Variants in IFNAR1 observed in about 807,000 individuals in gnomAD.
IFNAR1 encodes interferon alpha and beta receptor subunit 1, also known as interferon alpha/beta receptor 1.
Under a neutral mutation model 62.1 loss-of-function variants are expected in IFNAR1, and 47 were observed. The observed-to-expected ratio is 0.76, with a 90% CI of 0.60 to 0.97. The LOEUF (loss-of-function observed/expected upper bound fraction) is 0.97, where lower values mean the gene tolerates loss of function less well. Ranked by LOEUF, IFNAR1 falls within the 50% of genes least tolerant of loss-of-function variation. IFNAR1 has a pLI of 0.00. For missense variants in IFNAR1, 638 were observed against 654.5 expected, an observed-to-expected ratio of 0.97 and a Z score of 0.27; for synonymous variants, 219 against 226.9, an observed-to-expected ratio of 0.97 and a Z score of 0.31.
At chr21:33,344,761 TTTAC>T (rs2083328551) in intron 5 of IFNAR1, among the ~76,000 whole-genome samples, 1 of 127,078 alleles carries the variant, frequency 7.9e-6, no homozygotes, top group African/African-American at 3.1e-5. Flanking sequence ...TTCTTTCTTT[TTTAC>T]TTATTTATTT....
At chr21:33,349,617 A>G (rs2083382292) in intron 8 of IFNAR1, 74 bp downstream of exon 8, 7 of 1,155,210 alleles carry the variant, frequency 6.1e-6, no homozygotes, top group Non-Finnish European at 8.5e-6. Context: ...GCTTGAATGT[A>G]AAATTTGGGG....
intron 1 of IFNAR1, among the ~76,000 whole-genome samples, chr21:33,328,455 C>A (rs998154699): frequency 6.6e-6 from 1 of 152,098 alleles, no homozygotes; most frequent in Non-Finnish European, 1.5e-5. Flanking sequence ...GAGAAGGGGT[C>A]CATTCTGATG....
chr21:33,327,017 TC>T (rs2083133176), intron 1 of IFNAR1, among the ~76,000 whole-genome samples: 1 of 152,206 alleles, frequency 6.6e-6, no homozygotes, highest in South Asian at 2.1e-4. Context: ...GCAAGTGAGT[TC>T]AAAATACTTT....
intron 1 of IFNAR1, among the ~76,000 whole-genome samples, chr21:33,325,841 T>A (rs1158860762): frequency 6.6e-6 from 1 of 152,214 alleles, no homozygotes; most frequent in African/African-American, 2.4e-5. Flanking sequence ...GTTATGCAGA[T>A]GCCTCTGGGT....
intron 6 of IFNAR1, among the ~76,000 whole-genome samples, chr21:33,346,772 T>G (rs1365173149): frequency 6.6e-6 from 1 of 152,074 alleles, no homozygotes; most frequent in East Asian, 1.9e-4. Flanking sequence ...TAAAGGTGAA[T>G]AGGGGCTAAA....
At chr21:33,324,923 T>TAGAGGGGCGGTGAGAGCTA (rs2083109061), upstream of IFNAR1, 1 of 665,378 alleles carries the variant, frequency 1.5e-6, no homozygotes, top group East Asian at 2.9e-5. Context: ...GGCGCGTGCG[T>TAGAGGGGCGGTGAGAGCTA]AGAGGGGCGG....
chr21:33,325,055 G>A lies in IFNAR1; in HGVS notation c.-1G>A, dbSNP rs568772307. On this transcript the variant is annotated 5_prime_UTR_variant, in exon 1 of 11. Coordinates refer to ENST00000270139, the MANE Select transcript of IFNAR1 (RefSeq NM_000629.3). The stretch of plus-strand genomic sequence containing the variant: ...CTGGTGGGATCTGCGGCGGCTCCCA[G>A]ATGATGGTCGTCCTCCTGGGCGCGA... 3 of 1,602,096 alleles carry A rather than the reference G, an allele frequency of 1.9e-6. No homozygotes were observed. Among genetic ancestry groups the A allele is most frequent in the African/African-American group, 2.7e-5 (2 of 74,904 alleles).
rs1395707506 is a variant in IFNAR1 at position 33,353,676 on chromosome 21, A to G, written c.1333A>G (p.Ile445Val). 5.1e-6 allele frequency: 8 copies of G among 1,572,882 alleles called. No homozygotes were observed. The South Asian group carries it at 9.5e-5, about 19-fold the overall frequency. ...SKIWLIVGIC[I>V]ALFALPFVIY... ...AATTTGGCTTATAGTTGGAATTTGT[A>G]TTGCATTATTTGCTCTCCCGTTTGT... is the stretch of plus-strand genomic sequence containing the variant. Residue 445 changes from isoleucine to valine, a missense_variant, in exon 10 of 11, where the codon ATT becomes GTT. Transcript: ENST00000270139.
intron 2 of IFNAR1, 33 bp from the exon 3 acceptor site, chr21:33,340,966 C>T (rs777429650): frequency 3.7e-6 from 5 of 1,362,554 alleles, no homozygotes; most frequent in Admixed American, 1.8e-5. Flanking sequence ...TATACATTTG[C>T]TCACTCATTC....
intron 9 of IFNAR1, 148 bp from the exon 10 acceptor site, chr21:33,353,490 G>T: frequency 1.9e-6 from 1 of 515,616 alleles, no homozygotes; most frequent in Non-Finnish European, 3.4e-6. Flanking sequence ...GGTTGCTGTG[G>T]ACTCAGTGCT....
intron 6 of IFNAR1, among the ~76,000 whole-genome samples, chr21:33,347,882 G>A (rs2083364416): frequency 6.6e-6 from 1 of 152,216 alleles, no homozygotes; most frequent in South Asian, 2.1e-4. Context: ...GCAATGGGAA[G>A]AAAGCTGAAT....
intron 1 of IFNAR1, chr21:33,334,682 C>G: frequency 1.2e-6 from 1 of 833,568 alleles, no homozygotes; most frequent in Non-Finnish European, 2.1e-6. Context: ...GGGCTATTGC[C>G]AGCATCCAGT....
chr21:33,326,026 C>T (rs1261124445), intron 1 of IFNAR1, among the ~76,000 whole-genome samples: 1 of 152,076 alleles, frequency 6.6e-6, no homozygotes, highest in Non-Finnish European at 1.5e-5. Flanking sequence ...TACTTAACTA[C>T]CTACTTTTTT....
Position 33,352,875 on chromosome 21 carries a change from T to G in IFNAR1, c.1261T>G (p.Phe421Val). Residue 421 changes from phenylalanine to valine, a missense_variant, in exon 9 of 11, where the codon TTT (phenylalanine) becomes GTT (valine). Phe to Val is a conservative substitution (Grantham distance 50). Transcript: ENST00000270139. ...TGAAAAGCTGAATAAAAGCAGTGTT[T>G]TTAGTGACGCTGTATGTGAGAAAAC... ...MDEKLNKSSV[F>V]SDAVCEKTKP... 6.2e-7 allele frequency: 1 copy of G among 1,602,322 alleles called. No individual in the cohort carries two copies. The highest frequency in any genetic ancestry group is 1.1e-5 in the South Asian group (1 of 89,352).
At chr21:33,338,540 A>AAAAC (rs2083264243) in intron 2 of IFNAR1, among the ~76,000 whole-genome samples, 2 of 149,938 alleles carry the variant, frequency 1.3e-5, no homozygotes, top group South Asian at 4.2e-4. Flanking sequence ...TCAAAAAAAA[A>AAAAC]AAAAAACCCA....
chr21:33,328,824 TTA>T, intron 1 of IFNAR1, among the ~76,000 whole-genome samples: 1 of 152,030 alleles, frequency 6.6e-6, no homozygotes. Context: ...TATAAATGCA[TTA>T]TATATATATT....
At chr21:33,326,561 G>T (rs1439993974) in intron 1 of IFNAR1, among the ~76,000 whole-genome samples, 4 of 152,198 alleles carry the variant, frequency 2.6e-5, no homozygotes, top group Admixed American at 1.3e-4. Context: ...TGAAGTTACA[G>T]TTGGCATCCC....
At position 33,358,714 on chromosome 21, in the gene IFNAR1, T is replaced by G. The variant is rs941760096; in HGVS notation, c.*3165T>G. 2.0e-5 allele frequency: 3 copies of G among 152,034 alleles called. No individual in the cohort carries two copies. Among genetic ancestry groups the G allele is most frequent in the African/African-American group, 7.2e-5 (3 of 41,398 alleles). 9.4% of individuals were successfully genotyped at this position (152,034 alleles called of 1,614,324 possible). A position where few individuals can be genotyped will look rare whatever the true frequency, so the allele number is the denominator to read the frequency against. On this transcript the variant is annotated 3_prime_UTR_variant, in exon 11 of 11. Coordinates refer to ENST00000270139, the MANE Select transcript of IFNAR1 (RefSeq NM_000629.3). ...AAAAGTTACTTTTAAAAATATAAGTTAGGGCTAGGCACAGTGGCTCATGCC... is the reference window on the plus strand; with the variant it reads ...AAAAGTTACTTTTAAAAATATAAGTGAGGGCTAGGCACAGTGGCTCATGCC...
chr21:33,334,873 G>A (rs1188263301), intron 1 of IFNAR1: 3 of 1,275,768 alleles, frequency 2.4e-6, no homozygotes, highest in African/African-American at 2.9e-5. Context: ...TTAACACAGA[G>A]GGGAAAGCTG....
Sources: allele counts gnomAD v4.1 joint callset (sites outside exome capture counted in the v4.1 genomes callset), GRCh38; gene constraint gnomAD v4.1.1; transcripts MANE v1.5; gene names NCBI Gene and HGNC (gene_info 2026-07-23, HGNC 2026-07-21).